CCL28: variants seen among roughly 807,000 people sequenced by gnomAD.
CCL28 encodes the protein C-C motif chemokine ligand 28.
In CCL28, 4 loss-of-function variants were observed where a neutral mutation model predicts 7.1. The ratio of observed to expected loss-of-function variants is 0.56; its 90% CI spans 0.28 to 1.29. The LOEUF is 1.29. CCL28 is among the 50% of genes most tolerant of loss of function. CCL28 has a pLI of 0.11. For missense variants in CCL28, 151 were observed against 163.4 expected (o/e 0.92, Z 0.41); for synonymous variants, 55 against 57.8 (o/e 0.95, Z 0.22).
downstream of CCL28, among the ~76,000 whole-genome samples, chr5:43,372,058 A>T (rs1739794658): frequency 6.6e-6 from 1 of 152,104 alleles, no homozygotes; most frequent in South Asian, 2.1e-4. Context: ...TGCTTTCCAG[A>T]TTAGTAACAG....
the CCL28 span, among the ~76,000 whole-genome samples, chr5:43,368,898 A>C: frequency 2.0e-5 from 3 of 151,336 alleles, no homozygotes; most frequent in African/African-American, 7.3e-5. Context: ...TGAGACAATA[A>C]ATTTCTGTTG....
At chr5:43,389,174 C>T (rs763843207) in intron 1 of CCL28, among the ~76,000 whole-genome samples, 1 of 152,042 alleles carries the variant, frequency 6.6e-6, no homozygotes, top group Non-Finnish European at 1.5e-5. Context: ...TGAACAGGTA[C>T]AAGATCTCTT....
chr5:43,357,134 G>A, the CCL28 span, among the ~76,000 whole-genome samples: 1 of 152,276 alleles, frequency 6.6e-6, no homozygotes, highest in African/African-American at 2.4e-5. Flanking sequence ...GGAAGGAGTT[G>A]CTACCCAGAG....
chr5:43,405,110 TAAC>T (rs143629533), intron 1 of CCL28, among the ~76,000 whole-genome samples: 4,373 of 152,160 alleles, frequency 0.029, 200 homozygotes, highest in African/African-American at 0.099. Flanking sequence ...GACAGAAAGT[TAAC>T]AAAGATATCC....
intron 1 of CCL28, among the ~76,000 whole-genome samples, chr5:43,393,883 T>C (rs1160350994): frequency 6.6e-6 from 1 of 152,216 alleles, no homozygotes; most frequent in East Asian, 1.9e-4. Flanking sequence ...TGTCACAAGG[T>C]GTGACCCTTT....
At chr5:43,371,268 G>C in the CCL28 span, among the ~76,000 whole-genome samples, 53 of 152,154 alleles carry the variant, frequency 3.5e-4, no homozygotes, top group African/African-American at 1.2e-3. Flanking sequence ...CAACAGCATA[G>C]CTTAGTTTCA....
chr5:43,359,049 T>TTTC, the CCL28 span, among the ~76,000 whole-genome samples: 3 of 152,200 alleles, frequency 2.0e-5, no homozygotes, highest in African/African-American at 4.8e-5. Context: ...AAACCATGTT[T>TTTC]GTAAGACTAA....
intron 1 of CCL28, among the ~76,000 whole-genome samples, chr5:43,396,618 A>G (rs941627366): frequency 1.3e-5 from 2 of 152,224 alleles, no homozygotes; most frequent in African/African-American, 4.8e-5. Context: ...GAAAATCGTA[A>G]AAGTACTATT....
chr5:43,370,882 C>T, the CCL28 span, among the ~76,000 whole-genome samples: 1 of 151,988 alleles, frequency 6.6e-6, no homozygotes, highest in East Asian at 1.9e-4. Context: ...GCTGGGATTA[C>T]AGGCACCCAC....
chr5:43,383,996 A>G, intron 2 of CCL28: 1 of 194,340 alleles, frequency 5.1e-6, no homozygotes, highest in Non-Finnish European at 1.2e-5. Context: ...AGGCTGAGGT[A>G]GGAGAATCGT....
Position 43,381,827 on chromosome 5 carries a change from G to C in CCL28, c.*33C>G. The C allele has an allele frequency of 1.9e-6, 3 of 1,545,174 alleles. No homozygotes were observed. Among genetic ancestry groups the C allele is most frequent in the Non-Finnish European group, 2.7e-6 (3 of 1,129,554 alleles). ...ACCAATCATGGCCAAGTCCACTTGA[G>C]GAATTGTCTCTGTAGATTTATCTGT... is the stretch of plus-strand genomic sequence containing the variant. On this transcript the variant is annotated 3_prime_UTR_variant, in exon 3 of 3. Transcript: ENST00000361115.
chr5:43,399,674 C>A (rs1740952784), intron 1 of CCL28, among the ~76,000 whole-genome samples: 1 of 151,860 alleles, frequency 6.6e-6, no homozygotes, highest in Non-Finnish European at 1.5e-5. Flanking sequence ...CTCTTATGTC[C>A]CAAATTATCT....
the CCL28 span, among the ~76,000 whole-genome samples, chr5:43,368,786 A>G: frequency 6.6e-6 from 1 of 152,166 alleles, no homozygotes; most frequent in Admixed American, 6.5e-5. Context: ...GCCATCAGCC[A>G]TCCACAAGCC....
At chr5:43,382,945 A>C (rs1740182694) in intron 2 of CCL28, among the ~76,000 whole-genome samples, 1 of 151,894 alleles carries the variant, frequency 6.6e-6, no homozygotes, top group East Asian at 1.9e-4. Context: ...CAGCCTCCCG[A>C]GTAGCTGGGA....
intron 1 of CCL28, among the ~76,000 whole-genome samples, chr5:43,409,004 C>T (rs1450538218): frequency 4.6e-5 from 7 of 151,736 alleles, no homozygotes; most frequent in African/African-American, 1.7e-4. Context: ...AATCTTTCTG[C>T]CTCATTCTCC....
At chr5:43,372,455 G>A (rs1016273337), downstream of CCL28, among the ~76,000 whole-genome samples, 2 of 152,034 alleles carry the variant, frequency 1.3e-5, no homozygotes, top group Non-Finnish European at 2.9e-5. Context: ...TGCAACCTCC[G>A]CCTCCCAGGT....
intron 2 of CCL28, among the ~76,000 whole-genome samples, chr5:43,382,888 G>A (rs1048398484): frequency 3.3e-5 from 5 of 151,700 alleles, no homozygotes; most frequent in Admixed American, 6.6e-5. Context: ...GCATGATCTC[G>A]GCTCACTGCA....
chr5:43,382,027 A>G lies in CCL28; in HGVS notation c.217T>C (p.Cys73Arg), dbSNP rs1740139682. The G allele has an allele frequency of 6.2e-7, 1 of 1,612,902 alleles. No homozygotes were observed. Among genetic ancestry groups the G allele is most frequent in the Non-Finnish European group, 8.5e-7 (1 of 1,179,400 alleles). The change falls in exon 3 of 3, where the codon TGT becomes CGT. Residue 73 changes from cysteine to arginine, a missense_variant. Cys to Arg is a radical substitution (Grantham distance 180, BLOSUM62 -3). Coordinates refer to ENST00000361115, the MANE Select transcript of CCL28 (RefSeq NM_148672.3). ...VILHVKRRRI[C>R]VSPHNHTVKQ... ...ACAGTATGGTTGTGCGGGCTGACAC[A>G]GATTCTTCTGCGCTTGACATGAAGG...
chr5:43,359,519 A>T, the CCL28 span, among the ~76,000 whole-genome samples: 1 of 152,230 alleles, frequency 6.6e-6, no homozygotes, highest in South Asian at 2.1e-4. Context: ...ATTCTGGTAA[A>T]CCCACAACCT....
Sources: gnomAD v4.1 joint callset for allele counts (sites outside exome capture counted in the v4.1 genomes callset) on GRCh38, gnomAD v4.1.1 for gene constraint, MANE v1.5 for transcripts, NCBI Gene and HGNC (gene_info 2026-07-23, HGNC 2026-07-21) for gene names.